ADCYAP1: variants seen among roughly 807,000 people sequenced by gnomAD.
The protein encoded by ADCYAP1 is pituitary adenylate cyclase-activating polypeptide.
Under a neutral mutation model 18.5 loss-of-function variants are expected in ADCYAP1, and 6 were observed. The observed-to-expected ratio is 0.32, with a 90% CI of 0.18 to 0.64. The LOEUF is 0.64. Ranked by LOEUF, ADCYAP1 falls within the 30% of genes least tolerant of loss-of-function variation. ADCYAP1 has a pLI of 0.77. For missense variants in ADCYAP1, 314 were observed against 253.6 expected, an observed-to-expected ratio of 1.24 and a Z score of -1.62; for synonymous variants, 136 against 113.9, an observed-to-expected ratio of 1.19 and a Z score of -1.24.
At chr18:907,638 C>T (rs777749313) in intron 2 of ADCYAP1, 21 bp from the exon 3 acceptor site, 24 of 1,578,814 alleles carry the variant, frequency 1.5e-5, no homozygotes, top group Non-Finnish European at 1.8e-5. Context: ...ACCACACCTT[C>T]TGTCCCCGGC....
chr18:905,534 C>T (rs762958353), intron 2 of ADCYAP1, 38 bp downstream of exon 2: 2 of 1,599,466 alleles, frequency 1.3e-6, no homozygotes, highest in Non-Finnish European at 8.5e-7. Context: ...GGAGCTGGGG[C>T]TTCCCAGGCA....
At chr18:904,473 T>G (rs977585450), upstream of ADCYAP1, 1 of 1,289,014 alleles carries the variant, frequency 7.8e-7, no homozygotes, top group African/African-American at 1.5e-5. Context: ...CCAAAAACCA[T>G]GTTCGGATAG....
Position 907,877 on chromosome 18 carries a change from A to ATT in ADCYAP1, c.242+99_242+100dup, listed in dbSNP as rs71176206. ...GGGGCAGTGTGGTGACCCACCCAGG[A>ATT]TTTTTTTTTTTTTCCCGTGAAAGTC... On this transcript the variant is annotated intron_variant, in intron 3 of 4. Transcript: ENST00000450565. 10,781 of 1,190,736 alleles carry ATT rather than the reference A, an allele frequency of 9.1e-3. 9 individuals carry two copies. The highest frequency in any genetic ancestry group is 0.022 in the African/African-American group (1,329 of 61,750). The allele number at this position is 1,190,736 out of a possible 1,614,324, so 73.8% of individuals were successfully genotyped here.
chr18:904,620 G>A (rs1023254922), upstream of ADCYAP1: 33 of 1,252,436 alleles, frequency 2.6e-5, no homozygotes, highest in Non-Finnish European at 3.3e-5. Flanking sequence ...GACCCTCGCG[G>A]CTGCCTGGCC....
rs768069960 is a variant in ADCYAP1 at position 907,725 on chromosome 18, G to T, written c.177G>T (p.Pro59=). ...CAGACTTCGATGGCTCGGAGCCGCC[G>T]GGCGCAGGGAGCCCCGCCTCCGCGC... ...PLPDFDGSEP[P]GAGSPASAPR... Residue 59 remains proline (P), a synonymous_variant, in exon 3 of 5, where the codon CCG becomes CCT. Coordinates refer to ENST00000450565, the MANE Select transcript of ADCYAP1 (RefSeq NM_001099733.2). 2.0e-6 allele frequency: 3 copies of T among 1,533,670 alleles called. No individual in the cohort carries two copies. The highest frequency in any genetic ancestry group is 2.5e-5 in the East Asian group (1 of 40,474).
chr18:908,194 C>A, intron 3 of ADCYAP1, 71 bp from the exon 4 acceptor site: 2 of 1,403,520 alleles, frequency 1.4e-6, no homozygotes, highest in South Asian at 2.5e-5. Flanking sequence ...GCGCGCCCAA[C>A]AAGGGGGTCT....
At chr18:909,371 G>A (rs1909297605) in intron 4 of ADCYAP1, 75 bp from the exon 5 acceptor site, 2 of 1,454,874 alleles carry the variant, frequency 1.4e-6, no homozygotes, top group Non-Finnish European at 1.9e-6. Context: ...GTGGGGTGGG[G>A]CCCGCCTGCT....
intron 2 of ADCYAP1, chr18:906,256 C>T (rs921722020): frequency 6.6e-6 from 1 of 152,388 alleles, no homozygotes; most frequent in Non-Finnish European, 1.5e-5. Context: ...TTTCTTAACC[C>T]CGGGTTTCTA....
rs1295759078 is a variant in ADCYAP1, at chr18:911,308, C to T, written c.*1673C>T. The T allele has an allele frequency of 6.6e-6, 1 of 151,144 alleles. No individual in the cohort carries two copies. Among genetic ancestry groups the T allele is most frequent in the Non-Finnish European group, 1.5e-5 (1 of 67,948 alleles). 9.4% of individuals were successfully genotyped at this position (151,144 alleles called of 1,614,324 possible). A position where few individuals can be genotyped will look rare whatever the true frequency, so the allele number is the denominator to read the frequency against. ...TATAAACAAAAGAACCTTCACCCAG[C>T]AATCAGATCGAGCAGCAACAGACAA... On this transcript the variant is annotated 3_prime_UTR_variant, in exon 5 of 5. Coordinates refer to ENST00000450565, the MANE Select transcript of ADCYAP1 (RefSeq NM_001099733.2).
Position 905,512 on chromosome 18 carries a change from C to CTG in ADCYAP1, c.110+17_110+18dup. Reference sequence around the variant, plus strand: ...CCGGGATCAGGTAGGTGCTGGCTGCCTGGCCCAAGCAGGAGCTGGGGCTTC... The same window carrying CTG: ...CCGGGATCAGGTAGGTGCTGGCTGCCTGTGGCCCAAGCAGGAGCTGGGGCTTC... On this transcript the variant is annotated intron_variant, in intron 2 of 4. Coordinates refer to ENST00000450565, the MANE Select transcript of ADCYAP1 (RefSeq NM_001099733.2). The CTG allele has an allele frequency of 6.2e-7, 1 of 1,603,314 alleles. No homozygotes were observed. Among genetic ancestry groups the CTG allele is most frequent in the Non-Finnish European group, 8.5e-7 (1 of 1,179,872 alleles).
chr18:907,755 C>T lies in ADCYAP1; in HGVS notation c.207C>T (p.Arg69=), dbSNP rs1419724329. The T allele has an allele frequency of 4.0e-6, 6 of 1,494,504 alleles. No homozygotes were observed. The highest frequency in any genetic ancestry group is 5.3e-6 in the Non-Finnish European group (6 of 1,129,906). 92.6% of individuals were successfully genotyped at this position (1,494,504 alleles called of 1,614,324 possible). A position where few individuals can be genotyped will look rare whatever the true frequency, so the allele number is the denominator to read the frequency against. ...PGAGSPASAP[R]AAAAWYRPAG... is the part of the protein sequence containing the mutation. ...CAGGGAGCCCCGCCTCCGCGCCGCG[C>T]GCCGCCGCCGCCTGGTACCGCCCGG... The change falls in exon 3 of 5, where the codon CGC becomes CGT. Residue 69 remains arginine, a synonymous_variant. Coordinates refer to ENST00000450565, the MANE Select transcript of ADCYAP1 (RefSeq NM_001099733.2).
At chr18:907,553 A>T in intron 2 of ADCYAP1, 106 bp from the exon 3 acceptor site, 1 of 1,176,310 alleles carries the variant, frequency 8.5e-7, no homozygotes, top group Non-Finnish European at 1.2e-6. Flanking sequence ...TCAGCGGAGG[A>T]CTTTTATCAC....
intron 2 of ADCYAP1, among the ~76,000 whole-genome samples, chr18:907,307 T>C (rs540075046): frequency 6.6e-6 from 1 of 152,196 alleles, no homozygotes; most frequent in Admixed American, 6.5e-5. Flanking sequence ...CGTTGCTGCT[T>C]TGGGGAGGCT....
At chr18:909,149 G>T (rs998245903) in intron 4 of ADCYAP1, among the ~76,000 whole-genome samples, 8 of 151,850 alleles carry the variant, frequency 5.3e-5, no homozygotes, top group Non-Finnish European at 1.2e-4. Flanking sequence ...TCTCAAGGGG[G>T]CAGCGCTGGG....
rs181086670 is a variant in ADCYAP1, at chr18:904,896, C to T, written c.-166C>T. 4.7e-5 allele frequency: 60 copies of T among 1,288,422 alleles called. No individual in the cohort carries two copies. The African/African-American group carries it at 6.8e-4, about 15-fold the overall frequency. The allele number at this position is 1,288,422 out of a possible 1,614,324, so 79.8% of individuals were successfully genotyped here. ...AGAACACGAGCCTCGGCAAACGAGT[C>T]CCGCAGCTCCTCCTGCTGCTCCCGC... On this transcript the variant is annotated 5_prime_UTR_variant, in exon 1 of 5. Coordinates refer to ENST00000450565, the MANE Select transcript of ADCYAP1 (RefSeq NM_001099733.2).
chr18:908,155 C>T, intron 3 of ADCYAP1, 110 bp from the exon 4 acceptor site: 5 of 959,066 alleles, frequency 5.2e-6, no homozygotes, highest in Non-Finnish European at 7.9e-6. Flanking sequence ...GGAGGTTTCC[C>T]TGTCAGCCTC....
At chr18:908,681 C>A (rs1909273476) in intron 4 of ADCYAP1, among the ~76,000 whole-genome samples, 1 of 152,154 alleles carries the variant, frequency 6.6e-6, no homozygotes, top group African/African-American at 2.4e-5. Flanking sequence ...CTATAATTTT[C>A]TCTAAGCATG....
rs1387423285 is a variant in ADCYAP1, at chr18:910,155, G to A, written c.*520G>A. On this transcript the variant is annotated 3_prime_UTR_variant, in exon 5 of 5. Coordinates refer to ENST00000450565, the MANE Select transcript of ADCYAP1 (RefSeq NM_001099733.2). Reference sequence around the variant, plus strand: ...CAGGGAGATTTTGAGGTAAAGATATGGAGAATTGCTGAAGGGCATTCTTTC... The same window carrying A: ...CAGGGAGATTTTGAGGTAAAGATATAGAGAATTGCTGAAGGGCATTCTTTC... 6.6e-6 allele frequency: 1 copy of A among 152,516 alleles called. No homozygotes were observed. Among genetic ancestry groups the A allele is most frequent in the Non-Finnish European group, 1.5e-5 (1 of 67,982 alleles). 9.4% of individuals were successfully genotyped at this position (152,516 alleles called of 1,614,324 possible). A position where few individuals can be genotyped will look rare whatever the true frequency, so the allele number is the denominator to read the frequency against.
At chr18:907,384 C>A (rs1014821926) in intron 2 of ADCYAP1, among the ~76,000 whole-genome samples, 1 of 148,696 alleles carries the variant, frequency 6.7e-6, no homozygotes, top group African/African-American at 2.4e-5. Context: ...GCGGAGACGC[C>A]TCGGTTTCCC....
Sources: allele counts gnomAD v4.1 joint callset (sites outside exome capture counted in the v4.1 genomes callset), GRCh38; gene constraint gnomAD v4.1.1; transcripts MANE v1.5; gene names NCBI Gene and HGNC (gene_info 2026-07-23, HGNC 2026-07-21).